EDA: variants seen among roughly 807,000 people sequenced by gnomAD.
EDA encodes the protein ectodysplasin-A.
A neutral mutation model predicts 23.6 loss-of-function variants in EDA; 2 were observed. The ratio of observed to expected loss-of-function variants is 0.08; its 90% CI spans 0.03 to 0.27. EDA has a LOEUF of 0.27. Ranked by LOEUF, EDA falls within the 10% of genes least tolerant of loss-of-function variation. The pLI is 1.00. For synonymous variants in EDA, 131 were observed against 132.0 expected (o/e 0.99, Z 0.05); for missense variants, 229 against 324.2 (o/e 0.71, Z 2.26).
chrX:69,729,309 C>G (rs1456038416), intron 1 of EDA: 2 of 111,257 alleles, frequency 1.8e-5, no homozygotes, highest in African/African-American at 6.5e-5. Context: ...ACCTCTCCAC[C>G]TATGTACTAA....
chrX:69,678,616 C>G (rs1210872323), intron 1 of EDA, among the ~76,000 whole-genome samples: 1 of 108,525 alleles, frequency 9.2e-6, no homozygotes, highest in Non-Finnish European at 1.9e-5. Context: ...CGATTTGGCT[C>G]TCTGTTTGTC....
chrX:69,970,846 G>T (rs984724103), intron 2 of EDA, among the ~76,000 whole-genome samples: 6 of 111,826 alleles, frequency 5.4e-5, no homozygotes, highest in Non-Finnish European at 5.6e-5. Flanking sequence ...AGCCAAGGAA[G>T]CAAGGTGTTA....
At chrX:69,823,469 A>G (rs372950683) in intron 1 of EDA, among the ~76,000 whole-genome samples, 3 of 87,078 alleles carry the variant, frequency 3.4e-5, no homozygotes, top group Admixed American at 1.3e-4. Flanking sequence ...ATTTTTTCAT[A>G]TGTTTTTTGG....
chrX:70,004,496 T>C (rs1336929741), intron 2 of EDA, among the ~76,000 whole-genome samples: 3 of 112,174 alleles, frequency 2.7e-5, no homozygotes, highest in African/African-American at 9.7e-5. Flanking sequence ...ATTCTCACTC[T>C]TCTTTGAAGC....
At chrX:70,004,412 T>A (rs1490448356) in intron 2 of EDA, among the ~76,000 whole-genome samples, 1 of 111,998 alleles carries the variant, frequency 8.9e-6, no homozygotes, top group Non-Finnish European at 1.9e-5. Context: ...TGCCTTTTTG[T>A]CACGCTTTAC....
At chrX:69,656,032 T>C (rs1933310512) in intron 1 of EDA, among the ~76,000 whole-genome samples, 1 of 108,062 alleles carries the variant, frequency 9.3e-6, no homozygotes, top group Admixed American at 1.0e-4. Context: ...TGTCTTTCCC[T>C]CCTAATTTCT....
chrX:69,770,672 G>C (rs914649220), intron 1 of EDA, among the ~76,000 whole-genome samples: 3 of 111,188 alleles, frequency 2.7e-5, no homozygotes, highest in Non-Finnish European at 3.8e-5. Context: ...CCAGTGTGTA[G>C]CTTGTCTTTT....
intron 1 of EDA, among the ~76,000 whole-genome samples, chrX:69,928,568 T>G (rs1245822556): frequency 2.7e-5 from 3 of 111,750 alleles, no homozygotes; most frequent in Non-Finnish European, 5.7e-5. Context: ...TAACTATGAA[T>G]GAAACCCATA....
At chrX:69,806,644 G>C (rs1569338665) in intron 1 of EDA, among the ~76,000 whole-genome samples, 1 of 110,950 alleles carries the variant, frequency 9.0e-6, no homozygotes, top group Non-Finnish European at 1.9e-5. Context: ...TGCTACAAAA[G>C]AGAAGAATGT....
chrX:69,827,415 C>G (rs1210270498), intron 1 of EDA, among the ~76,000 whole-genome samples: 1 of 111,420 alleles, frequency 9.0e-6, no homozygotes, highest in East Asian at 2.8e-4. Flanking sequence ...ATTCTTTTTT[C>G]TCTAAACTTC....
At chrX:69,854,863 G>A (rs922868727) in intron 1 of EDA, among the ~76,000 whole-genome samples, 6 of 111,956 alleles carry the variant, frequency 5.4e-5, no homozygotes, top group African/African-American at 2.0e-4. Flanking sequence ...CTGTCTTTAG[G>A]TCTTTGAGGA....
chrX:69,632,837 C>T (rs781332057), intron 1 of EDA, among the ~76,000 whole-genome samples: 10 of 111,939 alleles, frequency 8.9e-5, no homozygotes, highest in Non-Finnish European at 1.7e-4. Flanking sequence ...TGGATCTTCT[C>T]CCCGCTTACT....
At chrX:69,790,144 A>G (rs1279780548) in intron 1 of EDA, among the ~76,000 whole-genome samples, 1 of 111,696 alleles carries the variant, frequency 9.0e-6, no homozygotes, top group Non-Finnish European at 1.9e-5. Context: ...AAATATATAA[A>G]GGAAACCTAG....
At chrX:69,735,622 T>C (rs758168363) in intron 1 of EDA, among the ~76,000 whole-genome samples, 152 of 111,738 alleles carry the variant, frequency 1.4e-3, no homozygotes, top group Non-Finnish European at 2.5e-3. Context: ...ACAAGACTTA[T>C]GTGGATTCAT....
chrX:69,683,647 G>A (rs1246551254), intron 1 of EDA, among the ~76,000 whole-genome samples: 1 of 110,763 alleles, frequency 9.0e-6, no homozygotes, highest in Non-Finnish European at 1.9e-5. Context: ...TTCTTAAACG[G>A]CAGACTGTGT....
intron 2 of EDA, among the ~76,000 whole-genome samples, chrX:69,996,664 A>G (rs2019661056): frequency 8.9e-6 from 1 of 111,879 alleles, no homozygotes; most frequent in Non-Finnish European, 1.9e-5. Flanking sequence ...CCTCCTCCAG[A>G]TAACTCTTTA....
intron 2 of EDA, among the ~76,000 whole-genome samples, chrX:69,977,885 A>T (rs1338562352): frequency 8.9e-6 from 1 of 111,876 alleles, no homozygotes; most frequent in Non-Finnish European, 1.9e-5. Context: ...ATGACCTAAC[A>T]CTGATCCTGA....
At chrX:70,021,599 TA>T (rs1023421868) in intron 2 of EDA, among the ~76,000 whole-genome samples, 339 of 108,382 alleles carry the variant, frequency 3.1e-3, no homozygotes, top group African/African-American at 0.01. Flanking sequence ...GCAATGCTGT[TA>T]AAAAAAAAAT....
intron 1 of EDA, among the ~76,000 whole-genome samples, chrX:69,737,375 C>T (rs1360019804): frequency 9.0e-6 from 1 of 111,219 alleles, no homozygotes; most frequent in African/African-American, 3.3e-5. Flanking sequence ...ATTTTATCTC[C>T]ACTGTTGGCT....
Sources: gnomAD v4.1 joint callset for allele counts (sites outside exome capture counted in the v4.1 genomes callset) on GRCh38, gnomAD v4.1.1 for gene constraint, MANE v1.5 for transcripts, NCBI Gene and HGNC (gene_info 2026-07-23, HGNC 2026-07-21) for gene names.